THRB: variants seen among roughly 807,000 people sequenced by gnomAD.
The protein encoded by THRB is nuclear receptor subfamily 1 group A member 2.
Under a neutral mutation model 47.8 loss-of-function variants are expected in THRB, and 12 were observed. The observed-to-expected ratio is 0.25, with a 90% CI of 0.16 to 0.41. The LOEUF is 0.41. Ranked by LOEUF, THRB falls within the 10% of genes least tolerant of loss-of-function variation. THRB has a pLI of 1.00. For synonymous variants in THRB, 218 were observed against 212.2 expected (o/e 1.03, Z -0.24); for missense variants, 348 against 589.2 (o/e 0.59, Z 4.24).
intron 3 of THRB, among the ~76,000 whole-genome samples, chr3:24,289,402 A>G (rs1381395552): frequency 6.6e-6 from 1 of 152,218 alleles, no homozygotes; most frequent in African/African-American, 2.4e-5. Flanking sequence ...TTTAACCTAC[A>G]AAAATGGCAA....
intron 1 of THRB, among the ~76,000 whole-genome samples, chr3:24,425,572 A>G (rs753182995): frequency 3.3e-5 from 5 of 151,990 alleles, no homozygotes; most frequent in Non-Finnish European, 5.9e-5. Flanking sequence ...TTTATTATTA[A>G]TAAGAACTAT....
chr3:24,269,513 C>A lies in THRB; in HGVS notation c.-43+27713G>T, dbSNP rs866412781. 2.6e-5 allele frequency among the ~76,000 whole-genome samples: 4 copies of A among 152,214 alleles called. No individual in the cohort carries two copies. The South Asian group carries it at 8.3e-4, about 32-fold the overall frequency. Reference sequence around the variant, plus strand: ...CCATCATATCTCACTATGGCCTCAACCTCCTGGGCTCAAGTGATGCTCCTG... The same window carrying A: ...CCATCATATCTCACTATGGCCTCAAACTCCTGGGCTCAAGTGATGCTCCTG... On this transcript the variant is annotated intron_variant, in intron 3 of 10. Transcript: ENST00000646209.
chr3:24,441,358 C>T (rs1189954110), intron 1 of THRB, among the ~76,000 whole-genome samples: 1 of 152,134 alleles, frequency 6.6e-6, no homozygotes, highest in East Asian at 1.9e-4. Context: ...GGAGCCATCC[C>T]AGAATTCCAC....
intron 3 of THRB, among the ~76,000 whole-genome samples, chr3:24,235,533 A>G (rs537113305): frequency 6.6e-6 from 1 of 152,218 alleles, no homozygotes; most frequent in African/African-American, 2.4e-5. Context: ...GTATCAGATG[A>G]TAAGATTTAA....
At chr3:24,242,289 T>C (rs1049339658) in intron 3 of THRB, among the ~76,000 whole-genome samples, 1 of 152,182 alleles carries the variant, frequency 6.6e-6, no homozygotes, top group Non-Finnish European at 1.5e-5. Context: ...CATTTCTGCA[T>C]GATTCTTAAA....
intron 2 of THRB, among the ~76,000 whole-genome samples, chr3:24,331,392 G>C (rs940064365): frequency 3.9e-5 from 6 of 152,228 alleles, no homozygotes; most frequent in Admixed American, 3.9e-4. Context: ...ACTTTCTCCA[G>C]CTTGGCTTCT....
chr3:24,206,063 C>T (rs1178419964), intron 4 of THRB, among the ~76,000 whole-genome samples: 1 of 152,136 alleles, frequency 6.6e-6, no homozygotes, highest in African/African-American at 2.4e-5. Flanking sequence ...GAGACTTTAA[C>T]ACCCCACCGT....
chr3:24,158,022 C>T (rs965164512), intron 5 of THRB, among the ~76,000 whole-genome samples: 6 of 152,164 alleles, frequency 3.9e-5, no homozygotes, highest in African/African-American at 4.8e-5. Context: ...TGATATAATG[C>T]GTTTGAGTTG....
chr3:24,117,440 G>C lies in THRB; in HGVS notation c.*5444C>G, dbSNP rs1318370670. ...CTCACCCAGTTCCAGGATTCCTGAG[G>C]ATAAGGTTGGTTATGCATCTGTTTT... On this transcript the variant is annotated 3_prime_UTR_variant, in exon 11 of 11. Transcript: ENST00000646209. 1 of 152,264 alleles carries C rather than the reference G, an allele frequency of 6.6e-6. No individual in the cohort carries two copies. The highest frequency in any genetic ancestry group is 2.4e-5 in the African/African-American group (1 of 41,468). 9.4% of individuals were successfully genotyped at this position (152,264 alleles called of 1,614,324 possible).
At chr3:24,373,013 G>A (rs1300203923) in intron 1 of THRB, among the ~76,000 whole-genome samples, 2 of 152,074 alleles carry the variant, frequency 1.3e-5, no homozygotes, top group Admixed American at 1.3e-4. Flanking sequence ...TAGCAACATA[G>A]AAAGAGATCA....
At chr3:24,198,708 A>C (rs2044259303) in intron 4 of THRB, among the ~76,000 whole-genome samples, 1 of 152,128 alleles carries the variant, frequency 6.6e-6, no homozygotes, top group African/African-American at 2.4e-5. Flanking sequence ...AATCATGATC[A>C]TTTCTGAGCT....
At chr3:24,439,965 A>G (rs1300080280) in intron 1 of THRB, among the ~76,000 whole-genome samples, 1 of 152,138 alleles carries the variant, frequency 6.6e-6, no homozygotes, top group African/African-American at 2.4e-5. Context: ...TCAAAGGAGG[A>G]TTATCCTTTT....
chr3:24,395,458 G>C (rs958135247), intron 1 of THRB, among the ~76,000 whole-genome samples: 6 of 151,952 alleles, frequency 3.9e-5, no homozygotes, highest in African/African-American at 1.5e-4. Flanking sequence ...ATAGGCAAAG[G>C]ATCTAAATTA....
intron 1 of THRB, among the ~76,000 whole-genome samples, chr3:24,481,655 G>C (rs975669689): frequency 6.6e-6 from 1 of 152,062 alleles, no homozygotes; most frequent in African/African-American, 2.4e-5. Flanking sequence ...GTGAGGGAAA[G>C]TGTCATTGGA....
At chr3:24,172,425 T>C (rs2040551812) in intron 5 of THRB, among the ~76,000 whole-genome samples, 1 of 152,144 alleles carries the variant, frequency 6.6e-6, no homozygotes, top group South Asian at 2.1e-4. Context: ...TCAGTAGGAA[T>C]AGAAACTCAA....
intron 1 of THRB, among the ~76,000 whole-genome samples, chr3:24,403,008 G>A (rs780880433): frequency 2.6e-5 from 4 of 151,956 alleles, no homozygotes; most frequent in Admixed American, 6.6e-5. Context: ...CTAAATATTC[G>A]TTAATCCAGG....
chr3:24,446,450 G>A (rs887994702), intron 1 of THRB, among the ~76,000 whole-genome samples: 16 of 152,006 alleles, frequency 1.1e-4, no homozygotes, highest in Admixed American at 9.8e-4. Context: ...AGGTCAGTAT[G>A]CTGGGTTATT....
intron 1 of THRB, among the ~76,000 whole-genome samples, chr3:24,474,885 T>C (rs1695217298): frequency 6.6e-6 from 1 of 152,216 alleles, no homozygotes; most frequent in Non-Finnish European, 1.5e-5. Context: ...TTCTTACTAA[T>C]TGAAAAGTAT....
chr3:24,282,805 A>T (rs1400752374), intron 3 of THRB, among the ~76,000 whole-genome samples: 2 of 149,872 alleles, frequency 1.3e-5, no homozygotes, highest in Non-Finnish European at 3.0e-5. Flanking sequence ...TACTACAAAC[A>T]CCTCTACGCA....
Sources: gnomAD v4.1 joint callset for allele counts (sites outside exome capture counted in the v4.1 genomes callset) on GRCh38, gnomAD v4.1.1 for gene constraint, MANE v1.5 for transcripts, NCBI Gene and HGNC (gene_info 2026-07-23, HGNC 2026-07-21) for gene names.